GRIN2A: variants seen among roughly 807,000 people sequenced by gnomAD.
GRIN2A encodes glutamate ionotropic receptor NMDA type subunit 2A.
A neutral mutation model predicts 113.4 loss-of-function variants in GRIN2A; 22 were observed. The ratio of observed to expected loss-of-function variants is 0.19; its 90% CI spans 0.14 to 0.28. GRIN2A has a LOEUF of 0.28. Ranked by LOEUF, GRIN2A falls within the 10% of genes least tolerant of loss-of-function variation. The pLI, the probability that GRIN2A is intolerant of heterozygous loss-of-function variation, is 1.00. For synonymous variants in GRIN2A, 827 were observed against 738.4 expected (o/e 1.12, Z -1.94); for missense variants, 1,502 against 1,887.0 (o/e 0.80, Z 3.78).
At chr16:10,054,090 C>T (rs73508621) in intron 2 of GRIN2A, among the ~76,000 whole-genome samples, 3,656 of 150,832 alleles carry the variant, frequency 0.024, 164 homozygotes, top group African/African-American at 0.085. Context: ...TTTAAAAAAC[C>T]GAACAGAATA....
rs1422160060 is a variant in GRIN2A, at chr16:9,757,003, T to C, written c.*6146A>G. 2 of 196,824 alleles carry C rather than the reference T, an allele frequency of 1.0e-5. No individual in the cohort carries two copies. The highest frequency in any genetic ancestry group is 4.6e-5 in the African/African-American group (2 of 43,372). The allele number at this position is 196,824 out of a possible 1,614,324, so 12.2% of individuals were successfully genotyped here. ...CCTGATACATTCATACCCTGGTGTA[T>C]CAGAAGGGTTCTTCAAATGTCAAAA... On this transcript the variant is annotated 3_prime_UTR_variant, in exon 13 of 13. Transcript: ENST00000330684.
At chr16:9,856,781 G>GTTTACT (rs762524831) in intron 4 of GRIN2A, among the ~76,000 whole-genome samples, 53 of 151,988 alleles carry the variant, frequency 3.5e-4, no homozygotes, top group Admixed American at 8.5e-4. Context: ...GGAAACTGAG[G>GTTTACT]CATGGGGTTT....
intron 10 of GRIN2A, among the ~76,000 whole-genome samples, chr16:9,808,123 T>C (rs2042017736): frequency 6.6e-6 from 1 of 152,220 alleles, no homozygotes. Context: ...TTTTATAATA[T>C]TAGAAAGATG....
chr16:9,801,338 A>G (rs756672082), intron 10 of GRIN2A, among the ~76,000 whole-genome samples: 1 of 152,184 alleles, frequency 6.6e-6, no homozygotes, highest in Non-Finnish European at 1.5e-5. Context: ...TCGTCTCTCC[A>G]TTCCTCAAAA....
intron 2 of GRIN2A, among the ~76,000 whole-genome samples, chr16:10,101,590 G>T (rs1239194274): frequency 2.0e-5 from 3 of 152,102 alleles, no homozygotes; most frequent in South Asian, 2.1e-4. Flanking sequence ...GATGTTGCCA[G>T]TTCTTCTCCC....
intron 4 of GRIN2A, among the ~76,000 whole-genome samples, chr16:9,855,302 A>G (rs1410159258): frequency 6.6e-6 from 1 of 152,238 alleles, no homozygotes; most frequent in Non-Finnish European, 1.5e-5. Context: ...ATATGCTGTT[A>G]TGAGGCTTAC....
chr16:9,787,116 G>GA (rs1379143847), intron 11 of GRIN2A, among the ~76,000 whole-genome samples: 4 of 152,056 alleles, frequency 2.6e-5, no homozygotes, highest in African/African-American at 9.7e-5. Flanking sequence ...TCTTGTTGGG[G>GA]AAAAATGCAT....
At chr16:9,908,492 A>C (rs972299175) in intron 3 of GRIN2A, among the ~76,000 whole-genome samples, 5 of 152,084 alleles carry the variant, frequency 3.3e-5, no homozygotes, top group East Asian at 3.8e-4. Context: ...CTACAGAGAA[A>C]TAATTGTGGG....
At chr16:9,826,001 AG>A (rs369345205) in intron 9 of GRIN2A, among the ~76,000 whole-genome samples, 50 of 146,306 alleles carry the variant, frequency 3.4e-4, no homozygotes, top group African/African-American at 1.2e-3. Flanking sequence ...AGAGAAGGAG[AG>A]GGGGAGGAAT....
chr16:10,057,080 T>A (rs1476024650), intron 2 of GRIN2A, among the ~76,000 whole-genome samples: 2 of 151,830 alleles, frequency 1.3e-5, no homozygotes, highest in Non-Finnish European at 2.9e-5. Flanking sequence ...ATTCATTCCA[T>A]CCAACCATGC....
At chr16:10,036,603 G>C (rs2047036390) in intron 2 of GRIN2A, among the ~76,000 whole-genome samples, 1 of 150,982 alleles carries the variant, frequency 6.6e-6, no homozygotes, top group Admixed American at 6.6e-5. Context: ...ACAACGCCCG[G>C]CTAATTTTTT....
intron 4 of GRIN2A, among the ~76,000 whole-genome samples, chr16:9,861,175 T>C (rs2043061322): frequency 6.6e-6 from 1 of 152,104 alleles, no homozygotes; most frequent in Admixed American, 6.5e-5. Context: ...AACAAACACA[T>C]TGAGCTTGCA....
intron 10 of GRIN2A, among the ~76,000 whole-genome samples, chr16:9,802,683 C>T (rs1903436529): frequency 2.6e-5 from 4 of 152,116 alleles, no homozygotes; most frequent in Admixed American, 2.6e-4. Flanking sequence ...GTGATATTTC[C>T]AGACTTTATA....
At chr16:10,072,389 C>T (rs2047771020) in intron 2 of GRIN2A, among the ~76,000 whole-genome samples, 1 of 152,166 alleles carries the variant, frequency 6.6e-6, no homozygotes, top group Non-Finnish European at 1.5e-5. Flanking sequence ...GAAACAAGTA[C>T]CTACAATTTT....
chr16:9,897,809 T>C (rs1329476133), intron 3 of GRIN2A, among the ~76,000 whole-genome samples: 3 of 152,218 alleles, frequency 2.0e-5, no homozygotes, highest in African/African-American at 4.8e-5. Flanking sequence ...CTTTTGTTTT[T>C]AACTGGTAGA....
chr16:9,975,661 C>T (rs1387616226), intron 2 of GRIN2A, among the ~76,000 whole-genome samples: 3 of 152,186 alleles, frequency 2.0e-5, no homozygotes, highest in African/African-American at 7.2e-5. Context: ...CAACAATAAA[C>T]ATGCCAAACC....
chr16:9,815,984 T>C (rs576494666), intron 10 of GRIN2A, among the ~76,000 whole-genome samples: 2 of 152,364 alleles, frequency 1.3e-5, no homozygotes, highest in South Asian at 2.1e-4. Context: ...ATGAACATTA[T>C]GGTAAGTGAA....
chr16:10,109,239 C>T (rs1468489620), intron 2 of GRIN2A, among the ~76,000 whole-genome samples: 2 of 151,930 alleles, frequency 1.3e-5, no homozygotes, highest in African/African-American at 2.4e-5. Context: ...AAACCTTCAC[C>T]AACCCTGTAT....
rs139253226 is a variant in GRIN2A, at chr16:9,940,761, C to G, written c.415-2210G>C. ...ACACCTTCCTACCCTGAGGAACTAC[C>G]CAACCATCCAATACCCAACCTATAT... On this transcript the variant is annotated intron_variant, in intron 2 of 12. Coordinates refer to ENST00000330684, the MANE Select transcript of GRIN2A (RefSeq NM_001134407.3). 1.6e-3 allele frequency among the ~76,000 whole-genome samples: 251 copies of G among 152,254 alleles called. 2 individuals are homozygous for G. Among genetic ancestry groups the G allele is most frequent in the African/African-American group, 5.7e-3 (236 of 41,552 alleles).
Sources: allele counts gnomAD v4.1 joint callset (sites outside exome capture counted in the v4.1 genomes callset), GRCh38; gene constraint gnomAD v4.1.1; transcripts MANE v1.5; gene names NCBI Gene and HGNC (gene_info 2026-07-23, HGNC 2026-07-21).